Variants in RBFOX1 observed in about 807,000 individuals in gnomAD.
RBFOX1 encodes RNA binding protein fox-1 homolog 1.
Under a neutral mutation model 57.7 loss-of-function variants are expected in RBFOX1, and 8 were observed. The observed-to-expected ratio is 0.14, with a 90% CI of 0.08 to 0.25. The LOEUF (loss-of-function observed/expected upper bound fraction) is 0.25, where lower values mean the gene tolerates loss of function less well. Ranked by LOEUF, RBFOX1 falls within the 10% of genes least tolerant of loss-of-function variation. RBFOX1 has a pLI of 1.00. For missense variants in RBFOX1, 611 were observed against 548.5 expected (o/e 1.11, Z -1.14); for synonymous variants, 326 against 222.4 (o/e 1.47, Z -4.15).
At chr16:7,224,813 C>G (rs968499353) in intron 4 of RBFOX1, among the ~76,000 whole-genome samples, 1 of 152,166 alleles carries the variant, frequency 6.6e-6, no homozygotes, top group Non-Finnish European at 1.5e-5. Flanking sequence ...CACTTGGTAA[C>G]TGTTAGAAAT....
rs192427130 is a variant in RBFOX1 at position 5,960,625 on chromosome 16, C to T, written c.351+93290C>T. Among the ~76,000 whole-genome samples, 17 of 152,190 alleles carry T rather than the reference C, an allele frequency of 1.1e-4. No individual in the cohort carries two copies. In the East Asian group the frequency reaches 1.2e-3, roughly 10 times the overall value. ...GCCGTTCACAGAGCAGTCATATCTC[C>T]GAAACCTCTAGCTCCTCATGAAGTG... On this transcript the variant is annotated intron_variant, in intron 4 of 19. Coordinates refer to the RBFOX1 transcript ENST00000641259.
At chr16:6,789,936 C>A (rs889790722) in intron 3 of RBFOX1, among the ~76,000 whole-genome samples, 23 of 151,602 alleles carry the variant, frequency 1.5e-4, no homozygotes, top group Non-Finnish European at 2.7e-4. Context: ...TAATTATTCT[C>A]TTCCCTAACT....
intron 10 of RBFOX1, among the ~76,000 whole-genome samples, chr16:7,624,378 G>C (rs2059760919): frequency 6.6e-6 from 1 of 152,164 alleles, no homozygotes; most frequent in South Asian, 2.1e-4. Context: ...ATCTTAGTGA[G>C]CAGTGTGACT....
chr16:7,293,054 G>A (rs1035771254), intron 4 of RBFOX1, among the ~76,000 whole-genome samples: 2 of 152,110 alleles, frequency 1.3e-5, no homozygotes, highest in Admixed American at 6.6e-5. Context: ...AATCAAAGTC[G>A]AGGGCACTAG....
intron 3 of RBFOX1, among the ~76,000 whole-genome samples, chr16:5,671,011 A>T (rs1239402192): frequency 1.3e-5 from 2 of 152,224 alleles, no homozygotes; most frequent in East Asian, 3.8e-4. Context: ...CCTCACTGAA[A>T]TCCCTGGTGA....
In RBFOX1 at chr16:6,716,123, C is replaced by T. The variant is rs2064770352; in HGVS notation, c.-16+61473C>T. The stretch of plus-strand genomic sequence containing the variant: ...GAATTAGATTGGCCTGAGGCAAATT[C>T]TACAGAAAAATAGAGGGAACTTAGA... On this transcript the variant is annotated intron_variant, in intron 3 of 15. Coordinates refer to ENST00000550418, the MANE Select transcript of RBFOX1 (RefSeq NM_018723.4). Among the ~76,000 whole-genome samples the T allele has an allele frequency of 2.0e-5, 3 of 152,128 alleles. 1 individual carries two copies. Among genetic ancestry groups the T allele is most frequent in the South Asian group, 4.1e-4 (2 of 4,830 alleles).
intron 1 of RBFOX1, among the ~76,000 whole-genome samples, chr16:6,260,632 C>T (rs1409031553): frequency 6.6e-6 from 1 of 152,188 alleles, no homozygotes; most frequent in Non-Finnish European, 1.5e-5. Flanking sequence ...AATCCCAGCA[C>T]TTTGGGAGGC....
intron 3 of RBFOX1, among the ~76,000 whole-genome samples, chr16:6,710,708 C>A (rs551555685): frequency 2.0e-5 from 3 of 152,228 alleles, no homozygotes; most frequent in Non-Finnish European, 4.4e-5. Flanking sequence ...ACATCAAGGC[C>A]CTGCTTGCCC....
intron 1 of RBFOX1, among the ~76,000 whole-genome samples, chr16:6,080,590 T>C (rs1337709187): frequency 1.3e-5 from 2 of 152,156 alleles, no homozygotes; most frequent in Non-Finnish European, 2.9e-5. Context: ...ATAAAAAGAT[T>C]CTTTACATCA....
chr16:5,756,715 G>A (rs2053410417), intron 3 of RBFOX1, among the ~76,000 whole-genome samples: 1 of 152,116 alleles, frequency 6.6e-6, no homozygotes, highest in African/African-American at 2.4e-5. Flanking sequence ...CAGCAGAAAG[G>A]CTTATACCTA....
At chr16:6,635,443 C>G (rs1431050731) in intron 2 of RBFOX1, among the ~76,000 whole-genome samples, 1 of 152,008 alleles carries the variant, frequency 6.6e-6, no homozygotes, top group Non-Finnish European at 1.5e-5. Flanking sequence ...ACAGTCAAAT[C>G]TGGATGGGGA....
At chr16:6,316,105 C>T (rs1225001607) in intron 1 of RBFOX1, among the ~76,000 whole-genome samples, 6 of 152,056 alleles carry the variant, frequency 3.9e-5, no homozygotes. Flanking sequence ...GATCAGGATT[C>T]CAGAACCCTG....
chr16:5,454,090 C>G (rs2068508988), intron 1 of RBFOX1, among the ~76,000 whole-genome samples: 1 of 152,216 alleles, frequency 6.6e-6, no homozygotes, highest in African/African-American at 2.4e-5. Flanking sequence ...TCGTGCCAGC[C>G]TGTATGAGGA....
At chr16:6,978,452 A>G (rs1413631021) in intron 3 of RBFOX1, among the ~76,000 whole-genome samples, 1 of 152,168 alleles carries the variant, frequency 6.6e-6, no homozygotes, top group African/African-American at 2.4e-5. Flanking sequence ...CCCTTGGTGC[A>G]TATTTACTTA....
At chr16:5,533,096 G>GA (rs1282204296) in intron 2 of RBFOX1, among the ~76,000 whole-genome samples, 8 of 152,166 alleles carry the variant, frequency 5.3e-5, no homozygotes, top group Non-Finnish European at 1.2e-4. Flanking sequence ...TGCAGCAGAG[G>GA]AAATCAGGTC....
chr16:5,631,997 G>A (rs376119332), intron 3 of RBFOX1, among the ~76,000 whole-genome samples: 30 of 152,122 alleles, frequency 2.0e-4, no homozygotes, highest in Non-Finnish European at 3.7e-4. Flanking sequence ...ATAAGCTTCC[G>A]TCTAAAGATC....
intron 3 of RBFOX1, among the ~76,000 whole-genome samples, chr16:5,832,272 G>A (rs1213447142): frequency 1.3e-5 from 2 of 152,360 alleles, no homozygotes; most frequent in East Asian, 3.9e-4. Flanking sequence ...GGCTGTGGAA[G>A]TAGTTCTTTA....
chr16:7,662,644 G>C (rs977738060), intron 12 of RBFOX1, among the ~76,000 whole-genome samples: 1 of 152,200 alleles, frequency 6.6e-6, no homozygotes, highest in Non-Finnish European at 1.5e-5. Context: ...GGCAGAAATT[G>C]ACGAGTGGCT....
rs531913300 is a variant in RBFOX1 at position 6,745,644 on chromosome 16, G to C, written c.-16+90994G>C. ...CTCAGCAAGAATAGAAGATAAATTG[G>C]TCAATATGATAAAAGGCATCTATGG... On this transcript the variant is annotated intron_variant, in intron 3 of 15. Coordinates refer to ENST00000550418, the MANE Select transcript of RBFOX1 (RefSeq NM_018723.4). Among the ~76,000 whole-genome samples the C allele has an allele frequency of 5.9e-5, 9 of 152,274 alleles. No individual in the cohort carries two copies. In the South Asian group the frequency reaches 8.3e-4, roughly 14 times the overall value.
Sources: gnomAD v4.1 joint callset for allele counts (sites outside exome capture counted in the v4.1 genomes callset) on GRCh38, gnomAD v4.1.1 for gene constraint, MANE v1.5 for transcripts, NCBI Gene and HGNC (gene_info 2026-07-23, HGNC 2026-07-21) for gene names.